The following RIC8B variants were observed in gnomAD, a reference collection of about 807,000 sequenced individuals.
RIC8B encodes RIC8 guanine nucleotide exchange factor B.
RIC8B carries 16 observed loss-of-function variants against 57.5 expected under a neutral mutation model. That is an observed-to-expected ratio of 0.28 (90% CI 0.19 to 0.42). The LOEUF is 0.42. RIC8B is among the 10% of genes least tolerant of loss of function. RIC8B has a pLI of 1.00. For synonymous variants in RIC8B, 216 were observed against 250.8 expected (o/e 0.86, Z 1.31); for missense variants, 481 against 677.0 (o/e 0.71, Z 3.21).
At chr12:106,817,714 A>C (rs1396087913) in intron 3 of RIC8B, among the ~76,000 whole-genome samples, 3 of 151,532 alleles carry the variant, frequency 2.0e-5, no homozygotes, top group South Asian at 2.1e-4. Flanking sequence ...AGTCCCAGCT[A>C]TTCGGGAGGC....
At chr12:106,855,062 A>G (rs1949659429) in intron 7 of RIC8B, among the ~76,000 whole-genome samples, 1 of 152,228 alleles carries the variant, frequency 6.6e-6, no homozygotes, top group Admixed American at 6.5e-5. Context: ...GATGATTTGT[A>G]AAATAATCTG....
At chr12:106,812,814 T>C (rs1482224938) in intron 2 of RIC8B, among the ~76,000 whole-genome samples, 2 of 152,232 alleles carry the variant, frequency 1.3e-5, no homozygotes, top group Non-Finnish European at 2.9e-5. Context: ...AAAAGTGCTT[T>C]AACAATGATA....
chr12:106,809,750 A>T (rs2045248071), intron 2 of RIC8B, among the ~76,000 whole-genome samples: 1 of 152,110 alleles, frequency 6.6e-6, no homozygotes, highest in South Asian at 2.1e-4. Context: ...TGATACTTTG[A>T]CACAAGTGTA....
intron 3 of RIC8B, among the ~76,000 whole-genome samples, chr12:106,818,009 G>C (rs1260080211): frequency 1.3e-5 from 2 of 151,884 alleles, no homozygotes; most frequent in Non-Finnish European, 1.5e-5. Context: ...AAAAGGATAT[G>C]GAAAACTTAT....
At chr12:106,816,765 T>C (rs1164418853) in intron 3 of RIC8B, among the ~76,000 whole-genome samples, 1 of 152,226 alleles carries the variant, frequency 6.6e-6, no homozygotes, top group Non-Finnish European at 1.5e-5. Context: ...TGATAGGTAA[T>C]AAATATCAGT....
chr12:106,823,700 T>TC (rs2045960653), intron 3 of RIC8B, among the ~76,000 whole-genome samples: 3 of 151,980 alleles, frequency 2.0e-5, no homozygotes, highest in African/African-American at 7.2e-5. Flanking sequence ...TTTTTTTTTT[T>TC]TGAGACGGAG....
At chr12:106,881,038 AAATTT>A (rs1950902108) in intron 9 of RIC8B, among the ~76,000 whole-genome samples, 1 of 152,218 alleles carries the variant, frequency 6.6e-6, no homozygotes, top group East Asian at 1.9e-4. Flanking sequence ...AAGTACAACT[AAATTT>A]AATTCACAAA....
intron 1 of RIC8B, among the ~76,000 whole-genome samples, chr12:106,781,150 G>A (rs969271559): frequency 1.3e-5 from 2 of 151,904 alleles, no homozygotes; most frequent in Non-Finnish European, 2.9e-5. Flanking sequence ...GGGTTTTATC[G>A]TGTTGCCCTG....
rs548857539 is a variant in RIC8B, at chr12:106,820,953, T to A, written c.742-4773T>A. Among the ~76,000 whole-genome samples, 76 of 152,350 alleles carry A rather than the reference T, an allele frequency of 5.0e-4. 1 individual carries two copies. Among genetic ancestry groups the A allele is most frequent in the Non-Finnish European group, 9.4e-4 (64 of 68,030 alleles). ...TGTCTTTCTCTTCCTTTGCCCTTCA[T>A]CCTTAGGGACTTCTTTTCTCTCTCA... On this transcript the variant is annotated intron_variant, in intron 3 of 9. Transcript: ENST00000392837.
At chr12:106,836,399 T>C (rs1295266674) in intron 4 of RIC8B, among the ~76,000 whole-genome samples, 1 of 152,210 alleles carries the variant, frequency 6.6e-6, no homozygotes, top group Non-Finnish European at 1.5e-5. Context: ...GCTAATTTCC[T>C]ATTAACATCT....
chr12:106,800,604 T>C (rs2044689472), intron 2 of RIC8B, among the ~76,000 whole-genome samples: 1 of 152,162 alleles, frequency 6.6e-6, no homozygotes, highest in Non-Finnish European at 1.5e-5. Flanking sequence ...AGCTTTAACA[T>C]ATGAATCTGG....
chr12:106,802,526 A>G (rs1202106399), intron 2 of RIC8B, among the ~76,000 whole-genome samples: 1 of 148,402 alleles, frequency 6.7e-6, no homozygotes, highest in Admixed American at 6.8e-5. Flanking sequence ...TGCCACTACA[A>G]TATGAGAATT....
chr12:106,874,190 G>T (rs1404836676), intron 9 of RIC8B, among the ~76,000 whole-genome samples: 1 of 152,176 alleles, frequency 6.6e-6, no homozygotes. Context: ...TCTGTCCACT[G>T]TACTACGGTG....
chr12:106,792,809 A>G (rs963127633), intron 2 of RIC8B, among the ~76,000 whole-genome samples: 2 of 152,120 alleles, frequency 1.3e-5, no homozygotes, highest in African/African-American at 4.8e-5. Flanking sequence ...ATCTCTAAGG[A>G]AAAAAAGCAA....
At chr12:106,859,602 A>G (rs2136513315) in intron 7 of RIC8B, among the ~76,000 whole-genome samples, 1 of 152,282 alleles carries the variant, frequency 6.6e-6, no homozygotes, top group Middle Eastern at 3.4e-3. Flanking sequence ...TACAGATTAG[A>G]AAACTAGGAT....
chr12:106,841,381 A>G (rs188584629), intron 4 of RIC8B, among the ~76,000 whole-genome samples: 2 of 152,356 alleles, frequency 1.3e-5, no homozygotes, highest in East Asian at 3.9e-4. Context: ...TATAAAAAGA[A>G]AGGAAATATT....
chr12:106,844,831 G>A (rs367876326), intron 6 of RIC8B, among the ~76,000 whole-genome samples: 52 of 152,190 alleles, frequency 3.4e-4, no homozygotes, highest in African/African-American at 1.0e-3. Context: ...TGGAGTATGG[G>A]TTGAAAAAGA....
intron 2 of RIC8B, among the ~76,000 whole-genome samples, chr12:106,793,464 G>A (rs1170583883): frequency 3.9e-5 from 6 of 152,216 alleles, no homozygotes; most frequent in Non-Finnish European, 7.3e-5. Flanking sequence ...TGGAGATATA[G>A]GTTAACCCAA....
intron 9 of RIC8B, chr12:106,874,421 G>T: frequency 1.6e-6 from 2 of 1,262,488 alleles, no homozygotes; most frequent in South Asian, 1.3e-5. Flanking sequence ...GTAAAGGATA[G>T]GGTTGGAGGT....
Sources: gnomAD v4.1 joint callset for allele counts (sites outside exome capture counted in the v4.1 genomes callset) on GRCh38, gnomAD v4.1.1 for gene constraint, MANE v1.5 for transcripts, NCBI Gene and HGNC (gene_info 2026-07-23, HGNC 2026-07-21) for gene names.